The following SMARCC2 variants were observed in gnomAD, a reference collection of about 807,000 sequenced individuals.
SMARCC2 encodes the protein SWI/SNF related BAF chromatin remodeling complex subunit C2, also known as SWI/SNF complex subunit SMARCC2.
A neutral mutation model predicts 151.3 loss-of-function variants in SMARCC2; 15 were observed. That is an observed-to-expected ratio of 0.10 (90% CI 0.07 to 0.15). SMARCC2 has a LOEUF of 0.15. Among genes scored for constraint, SMARCC2 ranks in the 10% least tolerant of loss-of-function variants. SMARCC2 has a pLI of 1.00. For synonymous variants in SMARCC2, 590 were observed against 609.5 expected, an observed-to-expected ratio of 0.97 and a Z score of 0.47; for missense variants, 1,031 against 1,599.7, an observed-to-expected ratio of 0.64 and a Z score of 6.06.
At chr12:56,178,175 C>G in intron 14 of SMARCC2, 82 bp from the exon 15 acceptor site, 1 of 1,189,194 alleles carries the variant, frequency 8.4e-7, no homozygotes, top group East Asian at 2.4e-5. Flanking sequence ...GCCTAGAAGG[C>G]AAAGAAGGAA....
In SMARCC2 at chr12:56,178,076, C is replaced by T. The variant is rs373145552; in HGVS notation, c.1328G>A (p.Arg443Gln). Residue 443 changes from arginine (R) to glutamine (Q), a missense_variant, in exon 15 of 29, where the codon CGG (arginine) becomes CAG (glutamine). Coordinates refer to ENST00000550164, the MANE Select transcript of SMARCC2 (RefSeq NM_001330288.2). Reference sequence around the variant, plus strand: ...GTTGAAGAACTCGGGGAGAGCCCTCCGCTCAATGGCATGAACACTGCAAGA... The same window carrying T: ...GTTGAAGAACTCGGGGAGAGCCCTCTGCTCAATGGCATGAACACTGCAAGA... Reference protein sequence around the residue: ...FDYNSVHAIERRALPEFFNGK... With the variant: ...FDYNSVHAIEQRALPEFFNGK... 1.9e-5 allele frequency: 31 copies of T among 1,613,470 alleles called. No individual in the cohort carries two copies. The highest frequency in any genetic ancestry group is 2.3e-5 in the Non-Finnish European group (27 of 1,179,516).
chr12:56,163,390 A>T lies in SMARCC2; in HGVS notation c.*299T>A, dbSNP rs1872154733. 1 of 231,042 alleles carries T rather than the reference A, an allele frequency of 4.3e-6. No individual in the cohort carries two copies. Among genetic ancestry groups the T allele is most frequent in the Non-Finnish European group, 8.3e-6 (1 of 119,884 alleles). 14.3% of individuals were successfully genotyped at this position (231,042 alleles called of 1,614,324 possible). A position where few individuals can be genotyped will look rare whatever the true frequency, so the allele number is the denominator to read the frequency against. ...GTTTGGAGGGAGGTGTACCCTTAGA[A>T]GTGGTTAATAGAACCTTGTATAAAC... On this transcript the variant is annotated 3_prime_UTR_variant, in exon 29 of 29. Coordinates refer to ENST00000550164, the MANE Select transcript of SMARCC2 (RefSeq NM_001330288.2).
chr12:56,187,154 ACCC>A (rs772933438), intron 2 of SMARCC2, 30 bp downstream of exon 2: 11 of 1,580,778 alleles, frequency 7.0e-6, no homozygotes, highest in African/African-American at 1.4e-5. Flanking sequence ...CACCACCACC[ACCC>A]CCCACCCTCC....
chr12:56,174,022 A>C (rs1217434839), intron 16 of SMARCC2, among the ~76,000 whole-genome samples, 173 bp from the exon 17 acceptor site: 1 of 151,974 alleles, frequency 6.6e-6, no homozygotes, highest in Non-Finnish European at 1.5e-5. Context: ...TTCATTTATC[A>C]CCTAAATGCC....
chr12:56,174,770 A>C lies in SMARCC2; in HGVS notation c.1383-6T>G. 6.4e-7 allele frequency: 1 copy of C among 1,559,172 alleles called. No individual in the cohort carries two copies. On this transcript the variant is annotated splice_polypyrimidine_tract_variant and splice_region_variant and intron_variant, in intron 15 of 28. Transcript: ENST00000550164. ...AGTTTCGATAGGCCAGGTAGCTTAGAAGAAAGAGAGAGAGAAACAAGAAGA... is the reference window on the plus strand; with the variant it reads ...AGTTTCGATAGGCCAGGTAGCTTAGCAGAAAGAGAGAGAGAAACAAGAAGA...
intron 27 of SMARCC2, among the ~76,000 whole-genome samples, 169 bp from the exon 28 acceptor site, chr12:56,164,900 G>A (rs1479125063): frequency 6.6e-6 from 1 of 152,054 alleles, no homozygotes; most frequent in African/African-American, 2.4e-5. Flanking sequence ...GCAATCTCCT[G>A]CCTCAGCCTC....
intron 10 of SMARCC2, 162 bp from the exon 11 acceptor site, chr12:56,181,263 T>A: frequency 1.4e-6 from 1 of 712,198 alleles, no homozygotes; most frequent in East Asian, 2.7e-5. Flanking sequence ...CAAAGGCTTT[T>A]CACTTGATAA....
chr12:56,168,001 C>CACACACACACACACACA, intron 26 of SMARCC2, 59 bp downstream of exon 26: 1 of 1,529,298 alleles, frequency 6.5e-7, no homozygotes, highest in Admixed American at 1.7e-5. Context: ...CACACACACG[C>CACACACACACACACACA]CCCTCCGATT....
intron 26 of SMARCC2, 131 bp downstream of exon 26, chr12:56,167,929 T>G: frequency 1.9e-6 from 2 of 1,031,166 alleles, no homozygotes; most frequent in Admixed American, 2.1e-5. Flanking sequence ...TTCCCCACTG[T>G]TGCTTATCTC....
chr12:56,168,126 T>C lies in SMARCC2; in HGVS notation c.2784A>G (p.Lys928=), dbSNP rs137869810. The change falls in exon 26 of 29, where the codon AAA becomes AAG. Residue 928 remains lysine (K), a synonymous_variant. Transcript: ENST00000550164. ...AGTGCCGAAGTTTGATCTCCAACTT[T>C]TTCATCTGGGTCTCCACCAGCAGGG... ...LVALLVETQM[K]KLEIKLRHFE... is the part of the protein sequence containing the mutation. 32 of 1,614,124 alleles carry C rather than the reference T, an allele frequency of 2.0e-5. No individual in the cohort carries two copies. In the African/African-American group the frequency reaches 3.9e-4, roughly 19 times the overall value.
rs1288669178 is a variant in SMARCC2, at chr12:56,164,597, G to A, written c.3367C>T (p.Pro1123Ser). ...CCAAATGGGATGATGGATGGAGCAGGAGGAGGAGGAGGAGGCGGCATGCCA... is the reference window on the plus strand; with the variant it reads ...CCAAATGGGATGATGGATGGAGCAGAAGGAGGAGGAGGAGGCGGCATGCCA... ...PFGMPPPPPP[P>S]APSIIPFGSL... Residue 1123 changes from proline to serine, a missense_variant, in exon 28 of 29, where the codon CCT becomes TCT. This residue lies in a region of SMARCC2 where 310 missense variants were observed against 350.0 expected (regional missense o/e 0.89). Transcript: ENST00000550164. The A allele has an allele frequency of 4.5e-6, 7 of 1,571,010 alleles. No homozygotes were observed. Among genetic ancestry groups the A allele is most frequent in the Non-Finnish European group, 6.1e-6 (7 of 1,148,274 alleles).
rs773884712 is a variant in SMARCC2 at position 56,181,436 on chromosome 12, T to G, written c.956+46A>C. The G allele has an allele frequency of 6.0e-6, 7 of 1,158,050 alleles. No homozygotes were observed. In the South Asian group the frequency reaches 1.1e-4, roughly 18 times the overall value. The allele number at this position is 1,158,050 out of a possible 1,614,324, so 71.7% of individuals were successfully genotyped here. ...TTTGTCTTTCCTTCCTTCAACATGA[T>G]GTGGAGAGAATGGTGAACACGGGGG... On this transcript the variant is annotated intron_variant, in intron 10 of 28. Transcript: ENST00000550164.
chr12:56,189,391 A>G lies in SMARCC2; in HGVS notation c.71T>C (p.Phe24Ser). 2 of 1,542,420 alleles carry G rather than the reference A, an allele frequency of 1.3e-6. No individual in the cohort carries two copies. Among genetic ancestry groups the G allele is most frequent in the African/African-American group, 1.4e-5 (1 of 70,076 alleles). The change falls in exon 1 of 29, where the codon TTC becomes TCC. Residue 24 changes from phenylalanine (F) to serine (S), a missense_variant. Physicochemically the swap from Phe to Ser is radical, Grantham distance 155. Around this residue, in one of 12 missense-constraint regions of SMARCC2, gnomAD observed 50 missense variants for 52.4 expected, o/e 0.95. Transcript: ENST00000550164. ...GCCGAGCCACAGCCGCACGTTGTCGAACTGGGTCACGGTGTCCGCGGCCTC... is the reference window on the plus strand; with the variant it reads ...GCCGAGCCACAGCCGCACGTTGTCGGACTGGGTCACGGTGTCCGCGGCCTC... ...YYEAADTVTQ[F>S]DNVRLWLGKN... is the part of the protein sequence containing the mutation.
chr12:56,184,265 C>T (rs753161686), intron 5 of SMARCC2, 21 bp from the exon 6 acceptor site: 31 of 1,590,378 alleles, frequency 1.9e-5, no homozygotes, highest in East Asian at 6.7e-5. Flanking sequence ...AAAGGAGAAG[C>T]GGGTAAATTA....
chr12:56,171,235 GA>G lies in SMARCC2; in HGVS notation c.2347+35del. Reference sequence around the variant, plus strand: ...GAGGCCAGGTAGCTCTGGATCTTGTGAAAGGCAAGAAATCTGGGAACCTGCC... The same window carrying G: ...GAGGCCAGGTAGCTCTGGATCTTGTGAAGGCAAGAAATCTGGGAACCTGCC... On this transcript the variant is annotated intron_variant, in intron 22 of 28. Transcript: ENST00000550164. The surrounding 1 kb of genome is among the most constrained non-coding windows in gnomAD (Gnocchi z 4.2). 1 of 1,609,532 alleles carries G rather than the reference GA, an allele frequency of 6.2e-7. No homozygotes were observed.
chr12:56,188,200 C>T (rs1231513776), intron 1 of SMARCC2, among the ~76,000 whole-genome samples: 3 of 152,160 alleles, frequency 2.0e-5, no homozygotes, highest in Non-Finnish European at 4.4e-5. Context: ...GAGGCTAAGC[C>T]CCTAGCCTGA....
chr12:56,188,207 C>G, intron 1 of SMARCC2, among the ~76,000 whole-genome samples: 1 of 152,192 alleles, frequency 6.6e-6, no homozygotes, highest in East Asian at 1.9e-4. Flanking sequence ...AGCCCCTAGC[C>G]TGATCTCCCT....
intron 22 of SMARCC2, 131 bp from the exon 23 acceptor site, chr12:56,170,339 C>A (rs534430650): frequency 6.6e-5 from 50 of 756,826 alleles, no homozygotes; most frequent in African/African-American, 5.4e-4. Context: ...CCTGGGCCCA[C>A]GCAATCCTCC....
At chr12:56,165,861 C>A (rs1872685644) in intron 26 of SMARCC2, among the ~76,000 whole-genome samples, 162 bp from the exon 27 acceptor site, 1 of 152,238 alleles carries the variant, frequency 6.6e-6, no homozygotes, top group Non-Finnish European at 1.5e-5. Context: ...CCCCACCCGA[C>A]TTCGTGCAAA....
Sources: gnomAD v4.1 joint callset for allele counts (sites outside exome capture counted in the v4.1 genomes callset) on GRCh38, gnomAD v4.1.1 for gene constraint, gnomAD v4.1.1 regional missense constraint, Gnocchi (gnomAD v3.1) non-coding constraint, MANE v1.5 for transcripts, NCBI Gene and HGNC (gene_info 2026-07-23, HGNC 2026-07-21) for gene names.